Variants in GLG1 observed in about 807,000 individuals in gnomAD.
GLG1 encodes the protein Golgi apparatus protein 1.
A neutral mutation model predicts 160.5 loss-of-function variants in GLG1; 38 were observed. The observed-to-expected ratio is 0.24, with a 90% CI of 0.18 to 0.31. GLG1 has a LOEUF of 0.31. Ranked by LOEUF, GLG1 falls within the 10% of genes least tolerant of loss-of-function variation. The pLI is 1.00. For missense variants in GLG1, 1,373 were observed against 1,505.2 expected (o/e 0.91, Z 1.45); for synonymous variants, 644 against 543.4 (o/e 1.19, Z -2.57).
chr16:74,563,690 A>G (rs2018569928), intron 1 of GLG1, among the ~76,000 whole-genome samples: 1 of 95,958 alleles, frequency 1.0e-5, no homozygotes, highest in East Asian at 5.9e-4. Context: ...TCACGCCACT[A>G]TTCTCCAGCC....
intron 1 of GLG1, among the ~76,000 whole-genome samples, chr16:74,539,983 AAT>A (rs1268555398): frequency 0.035 from 84 of 2,390 alleles, 16 homozygotes; most frequent in South Asian, 0.077. Flanking sequence ...AACAAATACA[AAT>A]ATATATATAT....
At chr16:74,603,745 G>GT (rs1958499209) in intron 1 of GLG1, among the ~76,000 whole-genome samples, 5 of 152,100 alleles carry the variant, frequency 3.3e-5, no homozygotes, top group Non-Finnish European at 7.3e-5. Context: ...CTAAGCAACA[G>GT]TATCTTCTCT....
chr16:74,519,326 G>A (rs2143546028), intron 2 of GLG1, among the ~76,000 whole-genome samples: 1 of 151,700 alleles, frequency 6.6e-6, no homozygotes. Flanking sequence ...CACACACTGG[G>A]GCCTTTTGGG....
rs1054364117 is a variant in GLG1, at chr16:74,450,785, T to G, written c.*2382A>C. ...ATTGCTTGAACCCAGGAGGTGGAGG[T>G]TGCAGGGAGCTGAGATCGCGCCACT... On this transcript the variant is annotated 3_prime_UTR_variant, in exon 26 of 26. Coordinates refer to ENST00000422840, the MANE Select transcript of GLG1 (RefSeq NM_001145667.2). 1.3e-5 allele frequency: 2 copies of G among 151,132 alleles called. No individual in the cohort carries two copies. The highest frequency in any genetic ancestry group is 2.9e-5 in the Non-Finnish European group (2 of 67,858). 9.4% of individuals were successfully genotyped at this position (151,132 alleles called of 1,614,324 possible). A position where few individuals can be genotyped will look rare whatever the true frequency, so the allele number is the denominator to read the frequency against.
chr16:74,518,639 G>C (rs1195920974), intron 2 of GLG1, among the ~76,000 whole-genome samples: 3 of 152,144 alleles, frequency 2.0e-5, no homozygotes, highest in African/African-American at 7.2e-5. Flanking sequence ...TCAGGACATA[G>C]GCATGGGCAA....
intron 17 of GLG1, chr16:74,468,066 C>T (rs975951407): frequency 1.3e-5 from 6 of 477,832 alleles, no homozygotes; most frequent in African/African-American, 1.2e-4. Flanking sequence ...CCAAGTCTAC[C>T]CTGAAACACC....
chr16:74,598,403 C>A (rs1232520293), intron 1 of GLG1, among the ~76,000 whole-genome samples: 12 of 151,674 alleles, frequency 7.9e-5, no homozygotes. Context: ...CGCCTGTAGT[C>A]CCAGCTACTC....
At chr16:74,528,801 G>C (rs1226415872) in intron 2 of GLG1, among the ~76,000 whole-genome samples, 1 of 89,212 alleles carries the variant, frequency 1.1e-5, no homozygotes, top group Admixed American at 1.8e-4. Flanking sequence ...GACAGAGCGA[G>C]ATTCTGTCTC....
rs531149372 is a variant in GLG1, at chr16:74,590,416, G to A, written c.438+16241C>T. Reference sequence around the variant, plus strand: ...GCGGATCACCTGAAGTCAGGAGTTCGAGACCAGCCTGACCAACATGGAGAA... The same window carrying A: ...GCGGATCACCTGAAGTCAGGAGTTCAAGACCAGCCTGACCAACATGGAGAA... On this transcript the variant is annotated intron_variant, in intron 1 of 25. Coordinates refer to ENST00000422840, the MANE Select transcript of GLG1 (RefSeq NM_001145667.2). Among the ~76,000 whole-genome samples the A allele has an allele frequency of 1.4e-3, 216 of 151,860 alleles. 1 individual carries two copies. In the South Asian group the frequency reaches 0.015, roughly 11 times the overall value.
At chr16:74,534,748 C>A (rs796822468) in intron 1 of GLG1, among the ~76,000 whole-genome samples, 34 of 152,158 alleles carry the variant, frequency 2.2e-4, no homozygotes, top group African/African-American at 8.2e-4. Context: ...TGAGTATACA[C>A]CCGGCTCCGC....
intron 11 of GLG1, among the ~76,000 whole-genome samples, chr16:74,478,562 G>T (rs187338680): frequency 6.6e-6 from 1 of 152,150 alleles, no homozygotes; most frequent in Non-Finnish European, 1.5e-5. Context: ...AAACTAGACA[G>T]ACATGATGAC....
chr16:74,555,078 G>A (rs1366179809), intron 1 of GLG1, among the ~76,000 whole-genome samples: 8 of 152,002 alleles, frequency 5.3e-5, no homozygotes, highest in Non-Finnish European at 1.0e-4. Context: ...GTGATAAAAC[G>A]GGAAAAAAGA....
rs1555522484 is a variant in GLG1 at position 74,606,841 on chromosome 16, G to GGCTGCT, written c.248_253dup (p.Gln83_Gln84dup). 6.3e-7 allele frequency: 1 copy of GGCTGCT among 1,599,244 alleles called. No individual in the cohort carries two copies. Among genetic ancestry groups the GGCTGCT allele is most frequent in the Non-Finnish European group, 8.5e-7 (1 of 1,173,490 alleles). ...CGGGAAAGGCGGCTGCGGCGGCTGA[G>GGCTGCT]GCTGCTGTTGCTGTTGCTGCTGCTG... is the stretch of plus-strand genomic sequence containing the variant. On this transcript the variant is annotated inframe_insertion, in exon 1 of 26. Transcript: ENST00000422840.
At chr16:74,582,579 G>C (rs937362194) in intron 1 of GLG1, among the ~76,000 whole-genome samples, 23 of 152,008 alleles carry the variant, frequency 1.5e-4, no homozygotes. Context: ...CCAGCACTTT[G>C]GGAGGCCAAG....
intron 1 of GLG1, among the ~76,000 whole-genome samples, chr16:74,565,588 C>G (rs968757461): frequency 2.6e-5 from 4 of 152,190 alleles, no homozygotes; most frequent in African/African-American, 9.6e-5. Flanking sequence ...AAGCCAAAGG[C>G]CCAGCTGTAA....
intron 1 of GLG1, among the ~76,000 whole-genome samples, chr16:74,606,429 T>C (rs1313722438): frequency 6.6e-6 from 1 of 151,928 alleles, no homozygotes; most frequent in Non-Finnish European, 1.5e-5. Flanking sequence ...CAGGTTTTCG[T>C]CCCAGACCCC....
intron 24 of GLG1, among the ~76,000 whole-genome samples, chr16:74,457,026 G>A (rs2014575010): frequency 6.6e-6 from 1 of 152,192 alleles, no homozygotes; most frequent in South Asian, 2.1e-4. Flanking sequence ...AGATACTTGG[G>A]AAGCTGAGGC....
chr16:74,550,230 TC>T (rs1215798213), intron 1 of GLG1, among the ~76,000 whole-genome samples: 6 of 152,216 alleles, frequency 3.9e-5, no homozygotes, highest in African/African-American at 1.4e-4. Context: ...TTCAAAAGCT[TC>T]TTCCTGAAGT....
At chr16:74,572,749 G>A (rs1450917032) in intron 1 of GLG1, among the ~76,000 whole-genome samples, 2 of 152,078 alleles carry the variant, frequency 1.3e-5, no homozygotes, top group African/African-American at 4.8e-5. Flanking sequence ...CTTGAGTTCT[G>A]TGACCTGCTC....
Sources: gnomAD v4.1 joint callset for allele counts (sites outside exome capture counted in the v4.1 genomes callset) on GRCh38, gnomAD v4.1.1 for gene constraint, MANE v1.5 for transcripts, NCBI Gene and HGNC (gene_info 2026-07-23, HGNC 2026-07-21) for gene names.